The following CEP85L variants were observed in gnomAD, a reference collection of about 807,000 sequenced individuals.
CEP85L encodes the protein centrosomal protein of 85 kDa-like.
CEP85L carries 60 observed loss-of-function variants against 100.3 expected under a neutral mutation model. That is an observed-to-expected ratio of 0.60 (90% CI 0.49 to 0.74). The LOEUF (loss-of-function observed/expected upper bound fraction) is 0.74, where lower values mean the gene tolerates loss of function less well. Ranked by LOEUF, CEP85L falls within the 30% of genes least tolerant of loss-of-function variation. CEP85L has a pLI of 0.00. For missense variants in CEP85L, 973 were observed against 936.2 expected (o/e 1.04, Z -0.51); for synonymous variants, 319 against 322.7 (o/e 0.99, Z 0.12).
At chr6:118,495,951 T>C (rs1562198655) in intron 5 of CEP85L, among the ~76,000 whole-genome samples, 1 of 152,236 alleles carries the variant, frequency 6.6e-6, no homozygotes, top group Non-Finnish European at 1.5e-5. Flanking sequence ...CAAGAGGATA[T>C]GTCATACGCA....
intron 3 of CEP85L, chr6:118,558,866 CT>C: frequency 7.1e-7 from 1 of 1,417,484 alleles, no homozygotes; most frequent in East Asian, 2.3e-5. Context: ...TGGCTGCCAG[CT>C]TTTTATCTTT....
At chr6:118,619,587 C>T (rs1773304558) in intron 2 of CEP85L, among the ~76,000 whole-genome samples, 1 of 152,156 alleles carries the variant, frequency 6.6e-6, no homozygotes, top group Admixed American at 6.5e-5. Context: ...GAAAAGAAAA[C>T]GTAAACTCCG....
chr6:118,605,744 G>A (rs1772152751), intron 2 of CEP85L, among the ~76,000 whole-genome samples: 1 of 152,184 alleles, frequency 6.6e-6, no homozygotes. Flanking sequence ...TGGGCACCAT[G>A]GCTCGGGCCT....
chr6:118,543,993 G>A (rs750210958), intron 3 of CEP85L, among the ~76,000 whole-genome samples: 1 of 152,210 alleles, frequency 6.6e-6, no homozygotes, highest in Middle Eastern at 3.2e-3. Flanking sequence ...TGGTTTCTAA[G>A]TGAATGGGGA....
At chr6:118,582,506 A>G (rs1417603969) in intron 2 of CEP85L, among the ~76,000 whole-genome samples, 1 of 152,216 alleles carries the variant, frequency 6.6e-6, no homozygotes, top group African/African-American at 2.4e-5. Context: ...CAAGGAAGGT[A>G]AGGAAGAAGT....
chr6:118,508,232 TGAA>T (rs2114702574), intron 5 of CEP85L, among the ~76,000 whole-genome samples: 1 of 149,802 alleles, frequency 6.7e-6, no homozygotes, highest in Non-Finnish European at 1.5e-5. Context: ...ACAAACCAAT[TGAA>T]GAAAAAATAG....
At chr6:118,494,392 A>G (rs1187559844) in intron 5 of CEP85L, among the ~76,000 whole-genome samples, 1 of 152,228 alleles carries the variant, frequency 6.6e-6, no homozygotes, top group African/African-American at 2.4e-5. Flanking sequence ...GCCTGCCGTC[A>G]GGAGAAACTA....
intron 1 of CEP85L, among the ~76,000 whole-genome samples, chr6:118,640,975 T>TA (rs1774829482): frequency 6.6e-6 from 1 of 152,186 alleles, no homozygotes; most frequent in Non-Finnish European, 1.5e-5. Context: ...GAAAGGTAGA[T>TA]AAAAAAGCTT....
At chr6:118,599,464 A>T (rs912284670) in intron 2 of CEP85L, among the ~76,000 whole-genome samples, 2 of 152,216 alleles carry the variant, frequency 1.3e-5, no homozygotes, top group African/African-American at 4.8e-5. Flanking sequence ...TAAATAAATG[A>T]GAGAGAAGAG....
intron 2 of CEP85L, among the ~76,000 whole-genome samples, chr6:118,596,168 A>G (rs1428213379): frequency 6.6e-6 from 1 of 152,120 alleles, no homozygotes; most frequent in Non-Finnish European, 1.5e-5. Context: ...TGGTTAATGG[A>G]TGACCCCAAA....
intron 3 of CEP85L, among the ~76,000 whole-genome samples, chr6:118,526,830 C>T (rs2114802679): frequency 6.6e-6 from 1 of 152,292 alleles, no homozygotes; most frequent in South Asian, 2.1e-4. Flanking sequence ...CCTATATGGT[C>T]TGAAAGGTGA....
At chr6:118,672,079 C>T (rs1481458641) in intron 1 of CEP85L, among the ~76,000 whole-genome samples, 1 of 152,088 alleles carries the variant, frequency 6.6e-6, no homozygotes, top group African/African-American at 2.4e-5. Flanking sequence ...ATCTGTTGCC[C>T]AGGTTGTAGT....
At chr6:118,650,980 C>A (rs1775513945) in intron 1 of CEP85L, among the ~76,000 whole-genome samples, 1 of 152,164 alleles carries the variant, frequency 6.6e-6, no homozygotes, top group Admixed American at 6.5e-5. Flanking sequence ...GGAGGAGCGG[C>A]GGGGACGACG....
chr6:118,638,805 TCAGA>T (rs1774682967), intron 1 of CEP85L, among the ~76,000 whole-genome samples: 1 of 152,050 alleles, frequency 6.6e-6, no homozygotes, highest in Non-Finnish European at 1.5e-5. Context: ...TGAATATTTC[TCAGA>T]CAGGAAGATT....
At chr6:118,525,687 C>T (rs1776923779) in intron 3 of CEP85L, among the ~76,000 whole-genome samples, 2 of 152,192 alleles carry the variant, frequency 1.3e-5, no homozygotes, top group African/African-American at 2.4e-5. Flanking sequence ...TCTGCCAACA[C>T]CTTGATTTCT....
chr6:118,640,599 A>G (rs1039118988), intron 1 of CEP85L, among the ~76,000 whole-genome samples: 2 of 152,154 alleles, frequency 1.3e-5, no homozygotes, highest in African/African-American at 4.8e-5. Flanking sequence ...GTCTCGGCTC[A>G]CTGCAACATT....
At chr6:118,483,417 G>T (rs1353451905) in intron 7 of CEP85L, among the ~76,000 whole-genome samples, 3 of 152,092 alleles carry the variant, frequency 2.0e-5, no homozygotes, top group African/African-American at 7.2e-5. Context: ...ACCAGAACTG[G>T]GGGTGTGTGC....
At chr6:118,688,231 C>A (rs1403452570) in intron 1 of CEP85L, among the ~76,000 whole-genome samples, 1 of 152,128 alleles carries the variant, frequency 6.6e-6, no homozygotes, top group Non-Finnish European at 1.5e-5. Context: ...GAACTCCTGA[C>A]CTCAGGTGAC....
intron 2 of CEP85L, among the ~76,000 whole-genome samples, chr6:118,598,888 A>G (rs1781585287): frequency 6.6e-6 from 1 of 152,164 alleles, no homozygotes; most frequent in South Asian, 2.1e-4. Context: ...AGATGGTGGG[A>G]GGCTTCTAAC....
Sources: allele counts gnomAD v4.1 joint callset (sites outside exome capture counted in the v4.1 genomes callset), GRCh38; gene constraint gnomAD v4.1.1; transcripts MANE v1.5; gene names NCBI Gene and HGNC (gene_info 2026-07-23, HGNC 2026-07-21).